Variants in NMNAT2 observed in about 807,000 individuals in gnomAD.
NMNAT2 encodes nicotinamide nucleotide adenylyltransferase 2, also known as nicotinamide/nicotinic acid mononucleotide adenylyltransferase 2.
A neutral mutation model predicts 41.6 loss-of-function variants in NMNAT2; 11 were observed. That is an observed-to-expected ratio of 0.26 (90% CI 0.17 to 0.44). NMNAT2 has a LOEUF of 0.44. Ranked by LOEUF, NMNAT2 falls within the 20% of genes least tolerant of loss-of-function variation. The pLI, the probability that NMNAT2 is intolerant of heterozygous loss-of-function variation, is 1.00. For synonymous variants in NMNAT2, 148 were observed against 151.2 expected (o/e 0.98, Z 0.16); for missense variants, 288 against 407.7 (o/e 0.71, Z 2.53).
At chr1:183,275,924 G>C (rs541494474) in intron 8 of NMNAT2, among the ~76,000 whole-genome samples, 4 of 152,068 alleles carry the variant, frequency 2.6e-5, no homozygotes, top group Admixed American at 2.6e-4. Context: ...CATCTGCCTC[G>C]GCCTCCCAAA....
chr1:183,337,387 A>C (rs896735450), intron 1 of NMNAT2, among the ~76,000 whole-genome samples: 3 of 152,118 alleles, frequency 2.0e-5, no homozygotes, highest in African/African-American at 7.2e-5. Flanking sequence ...CAACAAATTT[A>C]TCTCTTTAAA....
intron 4 of NMNAT2, among the ~76,000 whole-genome samples, chr1:183,288,989 G>A (rs1168709060): frequency 6.6e-6 from 1 of 152,206 alleles, no homozygotes; most frequent in African/African-American, 2.4e-5. Context: ...ACAACAGATG[G>A]AGAACAGCCA....
chr1:183,304,910 C>T (rs200945781), intron 1 of NMNAT2: 3 of 1,422,562 alleles, frequency 2.1e-6, no homozygotes, highest in Non-Finnish European at 2.8e-6. Flanking sequence ...TGATTTATGA[C>T]CCTCCCTTCC....
intron 1 of NMNAT2, among the ~76,000 whole-genome samples, chr1:183,359,380 A>G (rs1663260445): frequency 6.6e-6 from 1 of 152,158 alleles, no homozygotes; most frequent in Non-Finnish European, 1.5e-5. Context: ...CTGCCCACCC[A>G]AGAGATAGAA....
chr1:183,390,422 A>C (rs1213040649), intron 1 of NMNAT2, among the ~76,000 whole-genome samples: 12 of 152,172 alleles, frequency 7.9e-5, no homozygotes. Context: ...CTTCATCAGC[A>C]CTTTGTTTAA....
At chr1:183,273,597 A>G (rs1661039668) in intron 8 of NMNAT2, among the ~76,000 whole-genome samples, 1 of 152,200 alleles carries the variant, frequency 6.6e-6, no homozygotes, top group South Asian at 2.1e-4. Context: ...CACTCCTGAA[A>G]GATGTTCCTT....
At chr1:183,332,823 G>A (rs1265768404) in intron 1 of NMNAT2, among the ~76,000 whole-genome samples, 1 of 152,150 alleles carries the variant, frequency 6.6e-6, no homozygotes, top group South Asian at 2.1e-4. Flanking sequence ...TCTCAGCCTC[G>A]CCCAGGTCGG....
chr1:183,379,062 A>ATCTATATCTATG (rs1663741003), intron 1 of NMNAT2, among the ~76,000 whole-genome samples: 1 of 79,202 alleles, frequency 1.3e-5, no homozygotes, highest in Non-Finnish European at 2.7e-5. Context: ...CTATATCTAT[A>ATCTATATCTATG]TCTATATCTA....
intron 1 of NMNAT2, among the ~76,000 whole-genome samples, chr1:183,402,694 A>G (rs1164485459): frequency 6.6e-6 from 1 of 152,190 alleles, no homozygotes; most frequent in South Asian, 2.1e-4. Flanking sequence ...GGCCAAAAAA[A>G]ATTTTCAGGA....
At chr1:183,393,422 G>A (rs1648538825) in intron 1 of NMNAT2, among the ~76,000 whole-genome samples, 1 of 151,900 alleles carries the variant, frequency 6.6e-6, no homozygotes, top group Non-Finnish European at 1.5e-5. Flanking sequence ...ATGAACCTTG[G>A]AGTAAATCCT....
At chr1:183,296,462 A>G (rs1263180922) in intron 1 of NMNAT2, among the ~76,000 whole-genome samples, 1 of 151,950 alleles carries the variant, frequency 6.6e-6, no homozygotes, top group African/African-American at 2.4e-5. Flanking sequence ...AATTCTTACC[A>G]GCATTTGGCA....
chr1:183,322,973 C>T (rs1406903233), intron 1 of NMNAT2, among the ~76,000 whole-genome samples: 1 of 152,130 alleles, frequency 6.6e-6, no homozygotes, highest in Non-Finnish European at 1.5e-5. Flanking sequence ...GCTCTGTCAT[C>T]CAGGCTGGAG....
At position 183,250,702 on chromosome 1, in the gene NMNAT2, C is replaced by A. The variant is rs747666761; in HGVS notation, c.*1939G>T. ...TTTTTCAGTTTATTATTTCATGATC[C>A]CTAGTCAAACACTGATACCCCAAAA... is the stretch of plus-strand genomic sequence containing the variant. On this transcript the variant is annotated 3_prime_UTR_variant, in exon 11 of 11. Coordinates refer to ENST00000287713, the MANE Select transcript of NMNAT2 (RefSeq NM_015039.4). The A allele has an allele frequency of 6.6e-6, 1 of 152,628 alleles. No individual in the cohort carries two copies. The highest frequency in any genetic ancestry group is 1.9e-4 in the East Asian group (1 of 5,180). 9.5% of individuals were successfully genotyped at this position (152,628 alleles called of 1,614,324 possible).
intron 1 of NMNAT2, among the ~76,000 whole-genome samples, chr1:183,374,456 C>T (rs2101912601): frequency 6.6e-6 from 1 of 152,320 alleles, no homozygotes; most frequent in East Asian, 1.9e-4. Context: ...CATAATCATT[C>T]ATTCCAGAAG....
chr1:183,359,244 A>T (rs1357781248), intron 1 of NMNAT2, among the ~76,000 whole-genome samples: 2 of 152,222 alleles, frequency 1.3e-5, no homozygotes, highest in African/African-American at 4.8e-5. Context: ...CCCCAGTGCC[A>T]CAATTACCAA....
chr1:183,325,569 A>C (rs1662443892), intron 1 of NMNAT2, among the ~76,000 whole-genome samples: 1 of 152,308 alleles, frequency 6.6e-6, no homozygotes, highest in Non-Finnish European at 1.5e-5. Flanking sequence ...GGCTCAGTAG[A>C]CCCAACGTTT....
intron 8 of NMNAT2, among the ~76,000 whole-genome samples, chr1:183,268,332 A>G (rs1660874929): frequency 6.6e-6 from 1 of 152,172 alleles, no homozygotes; most frequent in African/African-American, 2.4e-5. Flanking sequence ...TTAGCCAGGC[A>G]CTTTCCTAGA....
chr1:183,345,008 A>G (rs1269165130), intron 1 of NMNAT2, among the ~76,000 whole-genome samples: 1 of 152,108 alleles, frequency 6.6e-6, no homozygotes, highest in Non-Finnish European at 1.5e-5. Context: ...GTCATCTCCA[A>G]TCCCAACTGC....
chr1:183,265,605 T>C (rs145448087), intron 8 of NMNAT2, among the ~76,000 whole-genome samples: 4 of 152,262 alleles, frequency 2.6e-5, no homozygotes, highest in Admixed American at 2.6e-4. Flanking sequence ...AAAGCTTTGG[T>C]ATTTTCCTTG....
Sources: allele counts gnomAD v4.1 joint callset (sites outside exome capture counted in the v4.1 genomes callset), GRCh38; gene constraint gnomAD v4.1.1; transcripts MANE v1.5; gene names NCBI Gene and HGNC (gene_info 2026-07-23, HGNC 2026-07-21).